The following CHST9 variants were observed in gnomAD, a reference collection of about 807,000 sequenced individuals.
CHST9 encodes the protein GalNAc-4-sulfotransferase 2.
A neutral mutation model predicts 44.4 loss-of-function variants in CHST9; 41 were observed. That is an observed-to-expected ratio of 0.92 (90% confidence interval 0.72 to 1.20). The LOEUF (loss-of-function observed/expected upper bound fraction) is 1.20, where lower values mean the gene tolerates loss of function less well. CHST9 is among the 50% of genes most tolerant of loss of function. The pLI, the probability that CHST9 is intolerant of heterozygous loss-of-function variation, is 0.00. For missense variants in CHST9, 504 were observed against 516.5 expected, an observed-to-expected ratio of 0.98 and a Z score of 0.23; for synonymous variants, 171 against 178.4, an observed-to-expected ratio of 0.96 and a Z score of 0.33.
intron 5 of CHST9, 120 bp from the exon 6 acceptor site, chr18:26,917,470 G>A (rs886256806): frequency 9.3e-6 from 11 of 1,183,994 alleles, no homozygotes; most frequent in Non-Finnish European, 1.2e-5. Context: ...CATATAAGCT[G>A]CCAGAACAAT....
Position 26,944,344 on chromosome 18 carries a change from T to C in CHST9, c.225A>G (p.Glu75=). The C allele has an allele frequency of 2.5e-6, 4 of 1,609,020 alleles. No homozygotes were observed. The highest frequency in any genetic ancestry group is 1.7e-5 in the Admixed American group (1 of 59,964). Residue 75 remains glutamate, a synonymous_variant, in exon 5 of 6, where the codon GAA becomes GAG. Transcript: ENST00000618847. ...GAGAGAATACCTGGTTGGTGATATG[T>C]TCCTGGATTTTTTCTGTACTCACTG... is the stretch of plus-strand genomic sequence containing the variant. The part of the protein sequence containing the change: ...PRIMSTEKIQ[E]HITNQNPKFH...
Position 26,908,391 on chromosome 18 carries a change from T to C in CHST9, c.*7868A>G, listed in dbSNP as rs2055396363. ...GAGATGGTGCCACTGCACTGCAGCC[T>C]GGGCGACAAGAGTGAAACTCTGTCT... On this transcript the variant is annotated 3_prime_UTR_variant, in exon 6 of 6. Transcript: ENST00000618847. The C allele has an allele frequency of 6.6e-6, 1 of 151,244 alleles. No homozygotes were observed. The highest frequency in any genetic ancestry group is 1.5e-5 in the Non-Finnish European group (1 of 67,916). The allele number at this position is 151,244 out of a possible 1,614,324, so 9.4% of individuals were successfully genotyped here.
chr18:27,175,341 T>C (rs1415217772), intron 1 of CHST9, among the ~76,000 whole-genome samples: 1 of 152,010 alleles, frequency 6.6e-6, no homozygotes, highest in Non-Finnish European at 1.5e-5. Flanking sequence ...CAGCAGAGCA[T>C]AAAACCCCCA....
intron 1 of CHST9, among the ~76,000 whole-genome samples, chr18:27,168,116 G>T (rs1446865619): frequency 2.0e-5 from 3 of 147,828 alleles, no homozygotes; most frequent in Admixed American, 6.8e-5. Context: ...GCTCTGTCGC[G>T]CAGGCTGGAG....
chr18:27,054,095 G>C (rs1204003828), intron 2 of CHST9, among the ~76,000 whole-genome samples: 1 of 152,174 alleles, frequency 6.6e-6, no homozygotes, highest in Admixed American at 6.5e-5. Flanking sequence ...CTGATGTCTA[G>C]CACCGTGCCT....
At chr18:27,067,491 T>C (rs911049719) in intron 2 of CHST9, among the ~76,000 whole-genome samples, 2 of 152,078 alleles carry the variant, frequency 1.3e-5, no homozygotes, top group Non-Finnish European at 2.9e-5. Flanking sequence ...TTTCCTGTAA[T>C]AGGGTCAAAG....
intron 4 of CHST9, among the ~76,000 whole-genome samples, chr18:26,998,375 G>A (rs1380907763): frequency 6.6e-6 from 1 of 152,068 alleles, no homozygotes; most frequent in East Asian, 1.9e-4. Context: ...TGGACAAGGA[G>A]AATAAATAAT....
intron 2 of CHST9, among the ~76,000 whole-genome samples, chr18:27,076,274 A>G (rs2057902424): frequency 6.6e-6 from 1 of 152,214 alleles, no homozygotes. Flanking sequence ...CAATTCCAGA[A>G]GCAGTAGCAG....
chr18:27,089,179 T>A (rs1005459442), intron 2 of CHST9, among the ~76,000 whole-genome samples: 5 of 152,150 alleles, frequency 3.3e-5, no homozygotes, highest in Non-Finnish European at 5.9e-5. Context: ...CTAGCGTACA[T>A]GTGCACAACG....
intron 1 of CHST9, among the ~76,000 whole-genome samples, chr18:27,182,182 C>T (rs1252937239): frequency 1.3e-5 from 2 of 152,080 alleles, no homozygotes; most frequent in African/African-American, 2.4e-5. Flanking sequence ...AACTGTTTCT[C>T]CTCAATAATT....
chr18:27,059,313 T>C (rs2143606444), intron 2 of CHST9, among the ~76,000 whole-genome samples: 1 of 152,290 alleles, frequency 6.6e-6, no homozygotes, highest in South Asian at 2.1e-4. Context: ...TTACCATATA[T>C]TGTTAGAATT....
intron 2 of CHST9, among the ~76,000 whole-genome samples, chr18:27,064,788 G>A (rs2057763544): frequency 6.6e-6 from 1 of 152,084 alleles, no homozygotes; most frequent in Admixed American, 6.5e-5. Flanking sequence ...GCACTTCTTG[G>A]TACAGGCTTC....
At chr18:27,013,287 G>T (rs888296966) in intron 4 of CHST9, among the ~76,000 whole-genome samples, 4 of 152,148 alleles carry the variant, frequency 2.6e-5, no homozygotes, top group African/African-American at 9.7e-5. Flanking sequence ...CATGTTACAC[G>T]CGCTGAATAT....
At chr18:26,981,767 G>C (rs924625246) in intron 4 of CHST9, among the ~76,000 whole-genome samples, 1 of 152,182 alleles carries the variant, frequency 6.6e-6, no homozygotes, top group Non-Finnish European at 1.5e-5. Context: ...CTATTAAATT[G>C]AAAGCTAACT....
chr18:27,060,887 A>G (rs970918690), intron 2 of CHST9, among the ~76,000 whole-genome samples: 5 of 152,344 alleles, frequency 3.3e-5, no homozygotes, highest in Admixed American at 6.5e-5. Flanking sequence ...TCAGCCTCCC[A>G]AGTAGCTGGG....
At chr18:26,961,218 A>G (rs1375821382) in intron 4 of CHST9, among the ~76,000 whole-genome samples, 1 of 152,232 alleles carries the variant, frequency 6.6e-6, no homozygotes, top group Non-Finnish European at 1.5e-5. Context: ...CCGTGCAGCA[A>G]TTAAAAATAA....
chr18:26,940,747 CCAAA>C (rs1367603744), intron 5 of CHST9, among the ~76,000 whole-genome samples: 2 of 152,088 alleles, frequency 1.3e-5, no homozygotes, highest in African/African-American at 4.8e-5. Context: ...ATTATGTCCC[CCAAA>C]CAGATATGTT....
intron 2 of CHST9, among the ~76,000 whole-genome samples, chr18:27,095,517 C>G (rs2058108150): frequency 6.6e-6 from 1 of 152,058 alleles, no homozygotes; most frequent in Admixed American, 6.5e-5. Context: ...AAAAACAAGA[C>G]CCATCCATCC....
At chr18:27,080,783 C>G (rs2057952710) in intron 2 of CHST9, among the ~76,000 whole-genome samples, 1 of 152,166 alleles carries the variant, frequency 6.6e-6, no homozygotes, top group East Asian at 1.9e-4. Context: ...GCTCAACTGT[C>G]AAGCCTGGGT....
Sources: allele counts gnomAD v4.1 joint callset (sites outside exome capture counted in the v4.1 genomes callset), GRCh38; gene constraint gnomAD v4.1.1; transcripts MANE v1.5; gene names NCBI Gene and HGNC (gene_info 2026-07-23, HGNC 2026-07-21).